BSN: variants seen among roughly 807,000 people sequenced by gnomAD.
The protein encoded by BSN is protein bassoon.
A neutral mutation model predicts 264.8 loss-of-function variants in BSN; 57 were observed. That is an observed-to-expected ratio of 0.22 (90% CI 0.17 to 0.27). The LOEUF (loss-of-function observed/expected upper bound fraction) is 0.27. Ranked by LOEUF, BSN falls within the 10% of genes least tolerant of loss-of-function variation. The pLI is 1.00. For synonymous variants in BSN, 2,059 were observed against 2,137.3 expected, an observed-to-expected ratio of 0.96 and a Z score of 1.01; for missense variants, 4,615 against 5,232.5, an observed-to-expected ratio of 0.88 and a Z score of 3.64.
At chr3:49,559,284 A>C (rs1208663650) in intron 1 of BSN, among the ~76,000 whole-genome samples, 1 of 152,146 alleles carries the variant, frequency 6.6e-6, no homozygotes, top group Non-Finnish European at 1.5e-5. Flanking sequence ...ACATACATGA[A>C]AGTAGAGGAA....
rs149000462 is a variant in BSN, at chr3:49,654,452, G to C, written c.4896G>C (p.Trp1632Cys). The C allele has an allele frequency of 1.2e-5, 20 of 1,604,586 alleles. No homozygotes were observed. Among genetic ancestry groups the C allele is most frequent in the Non-Finnish European group, 1.7e-5 (20 of 1,175,850 alleles). ...ATGGGCCCCTGGCACTATATGGCTG[G>C]GGTGCCCTCCCTGCTGAGAACATCT... ...GADGPLALYG[W>C]GALPAENISL... Residue 1632 changes from tryptophan to cysteine, a missense_variant, in exon 5 of 12, where the codon TGG becomes TGC. Trp to Cys is a radical substitution (Grantham distance 215, BLOSUM62 -2). Transcript: ENST00000296452. The surrounding 1 kb of genome is among the most constrained non-coding windows in gnomAD (Gnocchi z 4.1).
At chr3:49,639,262 G>T (rs1486526787) in intron 2 of BSN, among the ~76,000 whole-genome samples, 1 of 143,472 alleles carries the variant, frequency 7.0e-6, no homozygotes, top group Non-Finnish European at 1.5e-5. Flanking sequence ...GCAGTGGCAT[G>T]ATCTCGGCTC....
chr3:49,656,621 G>C lies in BSN; in HGVS notation c.7065G>C (p.Glu2355Asp). ...GSGALSRPGFEKEEASQEERQ... is the reference protein window; with the variant it reads ...GSGALSRPGFDKEEASQEERQ... ...GGGCCCTCAGCCGGCCAGGGTTCGA[G>C]AAAGAGGAAGCATCACAGGAGGAGA... Residue 2355 changes from glutamate (E) to aspartate (D), a missense_variant, in exon 5 of 12, where the codon GAG becomes GAC. Transcript: ENST00000296452. 1 of 1,608,732 alleles carries C rather than the reference G, an allele frequency of 6.2e-7. No homozygotes were observed. Among genetic ancestry groups the C allele is most frequent in the Non-Finnish European group, 8.5e-7 (1 of 1,177,450 alleles).
intron 1 of BSN, among the ~76,000 whole-genome samples, chr3:49,558,759 T>C (rs1399934524): frequency 2.0e-5 from 3 of 152,162 alleles, no homozygotes; most frequent in Non-Finnish European, 4.4e-5. Flanking sequence ...GGTGACGATG[T>C]CAAAATTTTA....
intron 1 of BSN, among the ~76,000 whole-genome samples, chr3:49,557,115 AC>A (rs575602345): frequency 6.4e-4 from 97 of 152,320 alleles, no homozygotes; most frequent in Non-Finnish European, 1.2e-3. Flanking sequence ...GTGCTGCCAC[AC>A]CCATAGTGGT....
intron 1 of BSN, among the ~76,000 whole-genome samples, chr3:49,583,221 G>C (rs566939252): frequency 6.6e-6 from 1 of 151,870 alleles, no homozygotes; most frequent in East Asian, 1.9e-4. Flanking sequence ...TGCCCACCTC[G>C]GCCTCCCAAA....
In BSN at chr3:49,638,751, C is replaced by T. The variant is rs976187717; in HGVS notation, c.634-3517C>T. On this transcript the variant is annotated intron_variant, in intron 2 of 11. Coordinates refer to ENST00000296452, the MANE Select transcript of BSN (RefSeq NM_003458.4). This position sits in a 1 kb window ranked among gnomAD's most constrained non-coding sequence, Gnocchi z 4.3. ...GGAAAGTTCTGGCGGTGAGTGCAGG[C>T]GGTTTGGCACGTGCCTTTGTTCAGC... Among the ~76,000 whole-genome samples, 7 of 152,194 alleles carry T rather than the reference C, an allele frequency of 4.6e-5. No homozygotes were observed. Among genetic ancestry groups the T allele is most frequent in the African/African-American group, 9.7e-5 (4 of 41,442 alleles).
intron 1 of BSN, among the ~76,000 whole-genome samples, chr3:49,609,971 T>A (rs1463728): frequency 0.82 from 124,770 of 152,208 alleles, 51,608 homozygotes; most frequent in East Asian, 0.99. Context: ...GGGTCATTCA[T>A]TCCACAAACA....
chr3:49,579,516 C>A (rs1261320883), intron 1 of BSN, among the ~76,000 whole-genome samples: 3 of 151,996 alleles, frequency 2.0e-5, no homozygotes, highest in Admixed American at 6.6e-5. Flanking sequence ...AATTCTCCTG[C>A]CTCAGCCTCC....
In BSN at chr3:49,653,641, C is replaced by T. The variant is rs1329127503; in HGVS notation, c.4085C>T (p.Ser1362Phe). 2 of 1,613,728 alleles carry T rather than the reference C, an allele frequency of 1.2e-6. No homozygotes were observed. Among genetic ancestry groups the T allele is most frequent in the Admixed American group, 1.7e-5 (1 of 59,996 alleles). Residue 1362 changes from serine (S) to phenylalanine (F), a missense_variant, in exon 5 of 12, where the codon TCC becomes TTC. Transcript: ENST00000296452. This position sits in a 1 kb window ranked among gnomAD's most constrained non-coding sequence, Gnocchi z 6.3. ...CTCAAGCTGCACAGCTCTCCTGCCT[C>T]CCCCAGCTCAGCCTCCAAGGAGATA... ...DPLKLHSSPA[S>F]PSSASKEIGM...
Position 49,645,920 on chromosome 3 carries a change from T to G in BSN, c.1518+2768T>G, listed in dbSNP as rs532189808. 2.0e-5 allele frequency among the ~76,000 whole-genome samples: 3 copies of G among 152,334 alleles called. No homozygotes were observed. The East Asian group carries it at 5.8e-4, about 29-fold the overall frequency. On this transcript the variant is annotated intron_variant, in intron 3 of 11. Transcript: ENST00000296452. The stretch of plus-strand genomic sequence containing the variant: ...GACCTTGCCTGCTTAAGAACGACTG[T>G]GCTGTGTCTTTGTGCACAAAGAAGG...
chr3:49,636,283 G>A (rs948686775), intron 2 of BSN, among the ~76,000 whole-genome samples: 3 of 152,144 alleles, frequency 2.0e-5, no homozygotes, highest in Non-Finnish European at 2.9e-5. Context: ...GAAGCCAGGA[G>A]GGGAAGCTGG....
Position 49,655,320 on chromosome 3 carries a change from A to G in BSN, c.5764A>G (p.Ser1922Gly), listed in dbSNP as rs2052589151. 3.1e-6 allele frequency: 5 copies of G among 1,610,264 alleles called. No individual in the cohort carries two copies. In the East Asian group the frequency reaches 8.9e-5, roughly 29 times the overall value. Reference protein sequence around the residue: ...SCTGTFHPAPSVPEKSMADAA... With the variant: ...SCTGTFHPAPGVPEKSMADAA... ...CACTGGCACCTTCCACCCGGCCCCC[A>G]GTGTGCCTGAGAAGAGCATGGCAGA... is the stretch of plus-strand genomic sequence containing the variant. The change falls in exon 5 of 12, where the codon AGT (serine) becomes GGT (glycine). Residue 1922 changes from serine (S) to glycine (G), a missense_variant. Transcript: ENST00000296452.
At chr3:49,609,487 A>G (rs915083324) in intron 1 of BSN, among the ~76,000 whole-genome samples, 1 of 152,166 alleles carries the variant, frequency 6.6e-6, no homozygotes, top group Admixed American at 6.5e-5. Flanking sequence ...GAGGAGCCTC[A>G]GGTATCCCTG....
chr3:49,647,640 G>A (rs2329020), intron 3 of BSN, among the ~76,000 whole-genome samples: 73,293 of 152,094 alleles, frequency 0.48, 19,816 homozygotes, highest in East Asian at 0.94. Context: ...GGAAACGAGC[G>A]GAAGAATAAG....
At chr3:49,606,882 G>A (rs537604615) in intron 1 of BSN, among the ~76,000 whole-genome samples, 15 of 152,134 alleles carry the variant, frequency 9.9e-5, no homozygotes, top group South Asian at 2.1e-4. Flanking sequence ...TTGGGAGGCC[G>A]AGGCGGGCGG....
intron 1 of BSN, among the ~76,000 whole-genome samples, chr3:49,558,956 T>G (rs759231083): frequency 1.3e-5 from 2 of 152,234 alleles, no homozygotes; most frequent in African/African-American, 2.4e-5. Context: ...AGACAGAGTC[T>G]TGCTCTGTCG....
rs906439752 is a variant in BSN, at chr3:49,583,033, A to G, written c.224+28207A>G. On this transcript the variant is annotated intron_variant, in intron 1 of 11. Transcript: ENST00000296452. Reference sequence around the variant, plus strand: ...CCCAAGGCTGGAGTGCAGTGGTGCAATCTTGGCCCACTGCAGCCTCTGCCT... The same window carrying G: ...CCCAAGGCTGGAGTGCAGTGGTGCAGTCTTGGCCCACTGCAGCCTCTGCCT... Among the ~76,000 whole-genome samples the G allele has an allele frequency of 3.3e-5, 5 of 151,696 alleles. No homozygotes were observed. In the East Asian group the frequency reaches 5.8e-4, roughly 18 times the overall value.
At position 49,653,095 on chromosome 3, in the gene BSN, C is replaced by T. The variant is rs368751523; in HGVS notation, c.3539C>T (p.Pro1180Leu). ...TCCACCACTCCCAGTTCCGGACGGCCGCTCAAGAGCGCTGAGGAGGCTTAT... is the reference window on the plus strand; with the variant it reads ...TCCACCACTCCCAGTTCCGGACGGCTGCTCAAGAGCGCTGAGGAGGCTTAT... ...GSSTTPSSGRPLKSAEEAYEE... is the reference protein window; with the variant it reads ...GSSTTPSSGRLLKSAEEAYEE... The change falls in exon 5 of 12, where the codon CCG becomes CTG. Residue 1180 changes from proline (P) to leucine (L), a missense_variant. Coordinates refer to ENST00000296452, the MANE Select transcript of BSN (RefSeq NM_003458.4). The surrounding 1 kb of genome is among the most constrained non-coding windows in gnomAD (Gnocchi z 6.3). The T allele has an allele frequency of 8.7e-5, 141 of 1,613,402 alleles. No individual in the cohort carries two copies. The highest frequency in any genetic ancestry group is 3.3e-4 in the Middle Eastern group (2 of 6,084).
Sources: gnomAD v4.1 joint callset for allele counts (sites outside exome capture counted in the v4.1 genomes callset) on GRCh38, gnomAD v4.1.1 for gene constraint, Gnocchi (gnomAD v3.1) non-coding constraint, MANE v1.5 for transcripts, NCBI Gene and HGNC (gene_info 2026-07-23, HGNC 2026-07-21) for gene names.